KCNMA1: variants seen among roughly 807,000 people sequenced by gnomAD.
The protein encoded by KCNMA1 is potassium calcium-activated channel subfamily M alpha 1.
In KCNMA1, 29 loss-of-function variants were observed where a neutral mutation model predicts 140.0. The ratio of observed to expected loss-of-function variants is 0.21; its 90% confidence interval spans 0.15 to 0.28. The LOEUF is 0.28. KCNMA1 is among the 10% of genes least tolerant of loss of function. KCNMA1 has a pLI of 1.00. For synonymous variants in KCNMA1, 612 were observed against 611.9 expected (o/e 1.00, Z 0.00); for missense variants, 880 against 1,602.2 (o/e 0.55, Z 7.70).
chr10:77,402,049 C>T (rs991269073), intron 2 of KCNMA1, among the ~76,000 whole-genome samples: 8 of 152,206 alleles, frequency 5.3e-5, no homozygotes, highest in Non-Finnish European at 1.2e-4. Flanking sequence ...TCTATAATGG[C>T]CACATGGAAG....
chr10:77,283,952 T>C (rs186769330), intron 2 of KCNMA1, among the ~76,000 whole-genome samples: 1 of 152,074 alleles, frequency 6.6e-6, no homozygotes, highest in Non-Finnish European at 1.5e-5. Context: ...GAAGAATGAG[T>C]AGGTGCTATT....
intron 2 of KCNMA1, among the ~76,000 whole-genome samples, chr10:77,334,684 A>G (rs2088070115): frequency 6.6e-6 from 1 of 152,214 alleles, no homozygotes; most frequent in Admixed American, 6.5e-5. Flanking sequence ...ACATATTTAC[A>G]CATGAAACAT....
intron 1 of KCNMA1, among the ~76,000 whole-genome samples, chr10:77,507,507 T>A (rs994271716): frequency 6.6e-6 from 1 of 152,182 alleles, no homozygotes; most frequent in African/African-American, 2.4e-5. Flanking sequence ...ATCAAGGGAT[T>A]ATCCATGAAC....
chr10:76,896,155 T>C (rs2042407045), intron 25 of KCNMA1, among the ~76,000 whole-genome samples: 1 of 152,216 alleles, frequency 6.6e-6, no homozygotes, highest in Non-Finnish European at 1.5e-5. Flanking sequence ...TTTCATCCCT[T>C]ATCTGCAACT....
chr10:76,948,259 GC>G (rs1316725462), intron 22 of KCNMA1, among the ~76,000 whole-genome samples: 2 of 152,156 alleles, frequency 1.3e-5, no homozygotes, highest in African/African-American at 4.8e-5. Flanking sequence ...TCCCGCCTCA[GC>G]ATCCCAAAAT....
At chr10:77,159,380 G>A (rs965321135) in intron 5 of KCNMA1, among the ~76,000 whole-genome samples, 4 of 152,018 alleles carry the variant, frequency 2.6e-5, no homozygotes, top group Non-Finnish European at 4.4e-5. Context: ...ATCTTAGATA[G>A]ATGTTCCCTC....
intron 1 of KCNMA1, chr10:77,636,398 G>A (rs934916943): frequency 3.9e-6 from 6 of 1,535,810 alleles, no homozygotes; most frequent in East Asian, 4.9e-5. Flanking sequence ...TAAAGCCGAC[G>A]ACATCTAGCC....
chr10:77,243,185 T>A (rs2057721187), intron 3 of KCNMA1, among the ~76,000 whole-genome samples: 1 of 135,148 alleles, frequency 7.4e-6, no homozygotes, highest in African/African-American at 2.7e-5. Flanking sequence ...CTGTAAAAGC[T>A]GCCACCACTC....
chr10:77,359,133 A>AC (rs1415356589), intron 2 of KCNMA1, among the ~76,000 whole-genome samples: 1 of 152,068 alleles, frequency 6.6e-6, no homozygotes, highest in Non-Finnish European at 1.5e-5. Context: ...TTCCTGTTCT[A>AC]CCCCATTTAA....
At position 76,936,837 on chromosome 10, in the gene KCNMA1, C is replaced by A. The variant is rs539886287; in HGVS notation, c.2902+7936G>T. Among the ~76,000 whole-genome samples the A allele has an allele frequency of 2.0e-5, 3 of 152,208 alleles. No individual in the cohort carries two copies. The South Asian group carries it at 6.2e-4, about 32-fold the overall frequency. On this transcript the variant is annotated intron_variant, in intron 23 of 27. Transcript: ENST00000286628. ...AAAGCCAGATCTGCAGCTGCTCACCCCAATGCCGTCCGCTCCCCATCTTTG... is the reference window on the plus strand; with the variant it reads ...AAAGCCAGATCTGCAGCTGCTCACCACAATGCCGTCCGCTCCCCATCTTTG...
chr10:77,623,380 A>C (rs2255727), intron 1 of KCNMA1, among the ~76,000 whole-genome samples: 87,111 of 151,870 alleles, frequency 0.57, 26,674 homozygotes, highest in African/African-American at 0.78. Flanking sequence ...TATTGTCTAA[A>C]TTTTTAGTTT....
intron 2 of KCNMA1, among the ~76,000 whole-genome samples, chr10:77,368,312 T>C (rs1353531280): frequency 6.6e-6 from 1 of 152,260 alleles, no homozygotes; most frequent in Non-Finnish European, 1.5e-5. Context: ...GTTCTTTTTC[T>C]GAGCTTATTT....
At chr10:77,160,988 G>T (rs1261063119) in intron 5 of KCNMA1, among the ~76,000 whole-genome samples, 1 of 152,158 alleles carries the variant, frequency 6.6e-6, no homozygotes, top group Non-Finnish European at 1.5e-5. Context: ...TGACTTACGA[G>T]CCTATTTTTC....
chr10:77,474,648 TTC>T lies in KCNMA1; in HGVS notation c.379-70627_379-70626del, dbSNP rs1491417505. Among the ~76,000 whole-genome samples, 3 of 152,206 alleles carry T rather than the reference TTC, an allele frequency of 2.0e-5. No individual in the cohort carries two copies. The East Asian group carries it at 5.8e-4, about 29-fold the overall frequency. Reference sequence around the variant, plus strand: ...CTGGAGGTTCCACATTCTTTTTTTTTTCTCTCTCTCCCAAAGACTGGACAGCC... The same window carrying T: ...CTGGAGGTTCCACATTCTTTTTTTTTTCTCTCTCCCAAAGACTGGACAGCC... On this transcript the variant is annotated intron_variant, in intron 1 of 27. Transcript: ENST00000286628.
At chr10:77,186,983 G>C (rs751107538) in intron 3 of KCNMA1, among the ~76,000 whole-genome samples, 2 of 152,084 alleles carry the variant, frequency 1.3e-5, no homozygotes, top group Non-Finnish European at 2.9e-5. Context: ...TGGTTTCCAA[G>C]ACTATCATGG....
chr10:77,484,608 G>A (rs770323800), intron 1 of KCNMA1, among the ~76,000 whole-genome samples: 14 of 152,222 alleles, frequency 9.2e-5, no homozygotes, highest in South Asian at 2.1e-4. Flanking sequence ...AGCAGCAGGA[G>A]CAGAACCAGG....
chr10:77,540,639 TA>T (rs747406917), intron 1 of KCNMA1, among the ~76,000 whole-genome samples: 26 of 152,212 alleles, frequency 1.7e-4, no homozygotes, highest in Non-Finnish European at 3.5e-4. Flanking sequence ...ATTATTTGAG[TA>T]AAAATACTGT....
intron 2 of KCNMA1, among the ~76,000 whole-genome samples, chr10:77,313,306 C>A (rs1056024923): frequency 6.6e-6 from 1 of 152,100 alleles, no homozygotes. Context: ...TAGCGGTCTG[C>A]GGAAGAAAGG....
At position 77,186,777 on chromosome 10, in the gene KCNMA1, ATGTGTGTGTGTGTG is replaced by A. The variant is rs10594438; in HGVS notation, c.603-1875_603-1862del. Among the ~76,000 whole-genome samples, 1,248 of 145,198 alleles carry A rather than the reference ATGTGTGTGTGTGTG, an allele frequency of 8.6e-3. 11 individuals are homozygous for A. The highest frequency in any genetic ancestry group is 0.028 in the African/African-American group (1,096 of 39,218). ...TGCAGGATACGTTACTAAAGAGTAA[ATGTGTGTGTGTGTG>A]TGTGTGTGTGTGTGTGTGTGTGTGT... On this transcript the variant is annotated intron_variant, in intron 3 of 27. Coordinates refer to ENST00000286628, the MANE Select transcript of KCNMA1 (RefSeq NM_001161352.2).
Sources: allele counts gnomAD v4.1 joint callset (sites outside exome capture counted in the v4.1 genomes callset), GRCh38; gene constraint gnomAD v4.1.1; transcripts MANE v1.5; gene names NCBI Gene and HGNC (gene_info 2026-07-23, HGNC 2026-07-21).